The following UTRN variants were observed in gnomAD, a reference collection of about 807,000 sequenced individuals.
UTRN encodes utrophin.
In UTRN, 283 loss-of-function variants were observed where a neutral mutation model predicts 463.9. That is an observed-to-expected ratio of 0.61 (90% CI 0.55 to 0.67). UTRN has a LOEUF of 0.67. Ranked by LOEUF, UTRN falls within the 30% of genes least tolerant of loss-of-function variation. UTRN has a pLI of 0.00. For synonymous variants in UTRN, 1,442 were observed against 1,431.5 expected, an observed-to-expected ratio of 1.01 and a Z score of -0.17; for missense variants, 3,922 against 4,084.3, an observed-to-expected ratio of 0.96 and a Z score of 1.08.
At chr6:144,654,571 A>G (rs1391207380) in intron 51 of UTRN, among the ~76,000 whole-genome samples, 1 of 152,254 alleles carries the variant, frequency 6.6e-6, no homozygotes, top group African/African-American at 2.4e-5. Flanking sequence ...ATAGCTGAAG[A>G]AAACTGGAGA....
intron 48 of UTRN, 80 bp downstream of exon 48, chr6:144,551,162 C>A: frequency 1.2e-6 from 1 of 811,352 alleles, no homozygotes. Flanking sequence ...CACACACACA[C>A]ACACACAAAC....
At chr6:144,502,841 G>A (rs537960839) in intron 34 of UTRN, among the ~76,000 whole-genome samples, 1 of 152,124 alleles carries the variant, frequency 6.6e-6, no homozygotes, top group African/African-American at 2.4e-5. Flanking sequence ...CTTCCATAAT[G>A]GTTGAAATAA....
rs139083660 is a variant in UTRN at position 144,370,549 on chromosome 6, G to A, written c.80-32574G>A. On this transcript the variant is annotated intron_variant, in intron 2 of 74. Coordinates refer to ENST00000367545, the MANE Select transcript of UTRN (RefSeq NM_007124.3). ...AATGGAGAACCTCTGCTAGGGCAGC[G>A]TGGAAGGGACACGTGAGGTGGGAGC... Among the ~76,000 whole-genome samples the A allele has an allele frequency of 3.2e-3, 489 of 152,330 alleles. 2 individuals carry two copies. Among genetic ancestry groups the A allele is most frequent in the African/African-American group, 0.011 (458 of 41,580 alleles).
At chr6:144,328,051 G>A (rs1776086392) in intron 2 of UTRN, among the ~76,000 whole-genome samples, 1 of 152,106 alleles carries the variant, frequency 6.6e-6, no homozygotes, top group Non-Finnish European at 1.5e-5. Context: ...ACACTGTGAG[G>A]GAAATCGGAG....
chr6:144,803,079 TG>T lies in UTRN; in HGVS notation c.9290del (p.Cys3097PhefsTer67). 1 of 1,595,792 alleles carries T rather than the reference TG, an allele frequency of 6.3e-7. No individual in the cohort carries two copies. The highest frequency in any genetic ancestry group is 8.5e-7 in the Non-Finnish European group (1 of 1,171,826). On this transcript the variant is annotated frameshift_variant, in exon 65 of 75. Transcript: ENST00000367545. LOFTEE classifies it high-confidence loss of function. ...TTTTAACTATGATGTCTGCCAGAGT[TG>T]TTTCTTTTCGGGTCGAACAGCAAAA... ...KHFNYDVCQSCFFSGRTAKGH... is the reference protein window; with the variant it reads ...KHFNYDVCQSXFFSGRTAKGH...
intron 3 of UTRN, among the ~76,000 whole-genome samples, chr6:144,411,070 C>T (rs988429481): frequency 6.6e-6 from 1 of 152,146 alleles, no homozygotes; most frequent in Non-Finnish European, 1.5e-5. Flanking sequence ...ACTTCTTTTC[C>T]TCTGGGTTGA....
intron 51 of UTRN, among the ~76,000 whole-genome samples, chr6:144,676,609 T>G (rs6907773): frequency 0.16 from 23,605 of 151,738 alleles, 2,363 homozygotes; most frequent in East Asian, 0.57. Context: ...ATGTGCCATG[T>G]TGGTTTGTTG....
intron 51 of UTRN, among the ~76,000 whole-genome samples, chr6:144,665,159 T>C (rs1780260912): frequency 6.6e-6 from 1 of 152,198 alleles, no homozygotes; most frequent in South Asian, 2.1e-4. Context: ...AGTAAATAGT[T>C]GGTGCAAAAA....
At chr6:144,313,119 GCTTGCCCCTC>G (rs1775043065) in intron 2 of UTRN, among the ~76,000 whole-genome samples, 1 of 152,084 alleles carries the variant, frequency 6.6e-6, no homozygotes, top group Non-Finnish European at 1.5e-5. Flanking sequence ...TCTTGATGAG[GCTTGCCCCTC>G]AACACTATGT....
chr6:144,516,691 G>T (rs1192876462), intron 38 of UTRN, 120 bp from the exon 39 acceptor site: 4 of 801,124 alleles, frequency 5.0e-6, no homozygotes, highest in Non-Finnish European at 7.0e-6. Flanking sequence ...GATCGTTCAG[G>T]TTAACATATC....
At chr6:144,470,429 G>T (rs917865264) in intron 23 of UTRN, among the ~76,000 whole-genome samples, 1 of 151,940 alleles carries the variant, frequency 6.6e-6, no homozygotes, top group African/African-American at 2.4e-5. Flanking sequence ...TCCCAGACGG[G>T]GTCGCGGCCG....
chr6:144,418,520 G>A (rs1275213944), intron 3 of UTRN, among the ~76,000 whole-genome samples: 2 of 151,540 alleles, frequency 1.3e-5, no homozygotes, highest in African/African-American at 4.9e-5. Flanking sequence ...ATCGTGCCAG[G>A]CCTGTATTTC....
At chr6:144,369,063 T>A (rs988025789) in intron 2 of UTRN, among the ~76,000 whole-genome samples, 4 of 152,224 alleles carry the variant, frequency 2.6e-5, no homozygotes, top group East Asian at 3.8e-4. Flanking sequence ...GATGTGGAGG[T>A]TATAGAATTT....
intron 57 of UTRN, among the ~76,000 whole-genome samples, chr6:144,757,393 C>T (rs1261874176): frequency 6.6e-6 from 1 of 151,920 alleles, no homozygotes; most frequent in Non-Finnish European, 1.5e-5. Flanking sequence ...CTTGGTTCTT[C>T]ACAACTTTTT....
chr6:144,683,899 C>T (rs1348161519), intron 52 of UTRN, among the ~76,000 whole-genome samples: 1 of 152,146 alleles, frequency 6.6e-6, no homozygotes, highest in Non-Finnish European at 1.5e-5. Context: ...CATTGTGACT[C>T]ATTAAGCATT....
intron 51 of UTRN, among the ~76,000 whole-genome samples, chr6:144,648,161 C>T (rs535187947): frequency 4.6e-5 from 7 of 152,296 alleles, no homozygotes; most frequent in East Asian, 3.9e-4. Context: ...GTCACTGATG[C>T]GTCTTCTCCT....
At chr6:144,629,345 G>A (rs1177146521) in intron 51 of UTRN, among the ~76,000 whole-genome samples, 2 of 152,180 alleles carry the variant, frequency 1.3e-5, no homozygotes, top group African/African-American at 4.8e-5. Context: ...ACCGATGCCA[G>A]TTTCTTGTGT....
chr6:144,492,861 G>A (rs1200180565), intron 32 of UTRN, among the ~76,000 whole-genome samples: 3 of 152,166 alleles, frequency 2.0e-5, no homozygotes, highest in Non-Finnish European at 4.4e-5. Context: ...GTACTTCTGA[G>A]AAATAGAAAT....
At chr6:144,687,083 A>C (rs1782849219) in intron 52 of UTRN, among the ~76,000 whole-genome samples, 1 of 152,180 alleles carries the variant, frequency 6.6e-6, no homozygotes, top group Admixed American at 6.5e-5. Flanking sequence ...TCTTGTATTG[A>C]CTTGCATATG....
Sources: allele counts gnomAD v4.1 joint callset (sites outside exome capture counted in the v4.1 genomes callset), GRCh38; gene constraint gnomAD v4.1.1; transcripts MANE v1.5; gene names NCBI Gene and HGNC (gene_info 2026-07-23, HGNC 2026-07-21).